Variants in ACER3 observed in about 807,000 individuals in gnomAD.
The protein encoded by ACER3 is alkaline ceramidase 3.
ACER3 carries 16 observed loss-of-function variants against 48.9 expected under a neutral mutation model. That is an observed-to-expected ratio of 0.33 (90% confidence interval 0.22 to 0.50). The LOEUF (loss-of-function observed/expected upper bound fraction) is 0.50. ACER3 is among the 20% of genes least tolerant of loss of function. The pLI is 0.98. For missense variants in ACER3, 227 were observed against 326.0 expected, an observed-to-expected ratio of 0.70 and a Z score of 2.34; for synonymous variants, 109 against 107.8, an observed-to-expected ratio of 1.01 and a Z score of -0.07.
chr11:76,863,762 C>T (rs903250443), intron 1 of ACER3, among the ~76,000 whole-genome samples: 2 of 152,086 alleles, frequency 1.3e-5, no homozygotes, highest in Non-Finnish European at 2.9e-5. Context: ...TTGATCTTTA[C>T]AGTAATTTCA....
intron 1 of ACER3, among the ~76,000 whole-genome samples, chr11:76,918,353 A>T (rs561656617): frequency 1.5e-4 from 23 of 150,960 alleles, no homozygotes; most frequent in Admixed American, 4.6e-4. Context: ...TATTATTATT[A>T]TTTTTTTCTT....
chr11:76,938,004 G>A (rs1251773306), intron 2 of ACER3, among the ~76,000 whole-genome samples: 2 of 151,972 alleles, frequency 1.3e-5, no homozygotes, highest in African/African-American at 4.8e-5. Context: ...TGTTTTTTGG[G>A]GTTGTTTGTT....
intron 1 of ACER3, among the ~76,000 whole-genome samples, chr11:76,893,208 T>C (rs1945850946): frequency 6.6e-6 from 1 of 152,014 alleles, no homozygotes; most frequent in Admixed American, 6.6e-5. Flanking sequence ...TTAATATTGC[T>C]AAAATGACAG....
At chr11:77,009,674 G>GGT (rs766971305) in intron 7 of ACER3, among the ~76,000 whole-genome samples, 3 of 152,112 alleles carry the variant, frequency 2.0e-5, no homozygotes, top group Non-Finnish European at 4.4e-5. Context: ...AGGTAGGTGT[G>GGT]GTGGCACATA....
At chr11:76,876,234 C>T (rs1310467371) in intron 1 of ACER3, among the ~76,000 whole-genome samples, 2 of 152,148 alleles carry the variant, frequency 1.3e-5, no homozygotes, top group African/African-American at 4.8e-5. Context: ...TCCCCACCTC[C>T]ATCTTACCCC....
In ACER3 at chr11:77,025,285, C is replaced by A. The variant is rs1487069914; in HGVS notation, c.*4958C>A. On this transcript the variant is annotated 3_prime_UTR_variant, in exon 11 of 11. Transcript: ENST00000532485. ...AAATGATAAAAATGTGTCATAATATCAAAGGGGTCTAGATCAGGGGTTGGT... is the reference window on the plus strand; with the variant it reads ...AAATGATAAAAATGTGTCATAATATAAAAGGGGTCTAGATCAGGGGTTGGT... 3.3e-5 allele frequency: 5 copies of A among 151,524 alleles called. No homozygotes were observed. The highest frequency in any genetic ancestry group is 1.2e-4 in the African/African-American group (5 of 41,158). 9.4% of individuals were successfully genotyped at this position (151,524 alleles called of 1,614,324 possible). A position where few individuals can be genotyped will look rare whatever the true frequency, so the allele number is the denominator to read the frequency against.
chr11:76,902,316 C>T (rs922457446), intron 1 of ACER3, among the ~76,000 whole-genome samples: 1 of 152,088 alleles, frequency 6.6e-6, no homozygotes, highest in African/African-American at 2.4e-5. Context: ...TGCTTTTTCT[C>T]GAATCACATG....
chr11:76,994,287 G>A (rs370655826), intron 6 of ACER3: 5 of 400,502 alleles, frequency 1.2e-5, no homozygotes, highest in Non-Finnish European at 2.4e-5. Flanking sequence ...GTACCATCAC[G>A]CCAGGCTAAT....
intron 4 of ACER3, among the ~76,000 whole-genome samples, chr11:76,983,329 T>G (rs1218973194): frequency 2.6e-5 from 4 of 152,196 alleles, no homozygotes; most frequent in Non-Finnish European, 5.9e-5. Flanking sequence ...TGCTTTTTTT[T>G]CTTTTTTGAC....
At chr11:76,886,829 C>G (rs945642865) in intron 1 of ACER3, among the ~76,000 whole-genome samples, 1 of 151,906 alleles carries the variant, frequency 6.6e-6, no homozygotes, top group African/African-American at 2.4e-5. Context: ...TACAAGTGTG[C>G]GCTACACCTG....
chr11:76,884,463 A>G (rs1335948077), intron 1 of ACER3, among the ~76,000 whole-genome samples: 1 of 152,106 alleles, frequency 6.6e-6, no homozygotes, highest in Non-Finnish European at 1.5e-5. Context: ...AAGTCCCCCA[A>G]ATCATTGTAG....
chr11:77,017,058 G>A (rs1263114107), intron 9 of ACER3, among the ~76,000 whole-genome samples: 1 of 151,964 alleles, frequency 6.6e-6, no homozygotes, highest in Non-Finnish European at 1.5e-5. Context: ...ACATTTAAAA[G>A]GAAGAGAGAT....
At chr11:77,011,172 G>C (rs1481043906) in intron 7 of ACER3, among the ~76,000 whole-genome samples, 1 of 152,144 alleles carries the variant, frequency 6.6e-6, no homozygotes, top group Non-Finnish European at 1.5e-5. Context: ...GATACAGAGA[G>C]ACATATGTTG....
At chr11:76,925,640 C>T (rs1946809812) in intron 1 of ACER3, among the ~76,000 whole-genome samples, 1 of 152,180 alleles carries the variant, frequency 6.6e-6, no homozygotes, top group South Asian at 2.1e-4. Context: ...TCCTGTGTTG[C>T]AGCCCATGTT....
At chr11:76,945,918 T>A (rs960084682) in intron 2 of ACER3, among the ~76,000 whole-genome samples, 1 of 152,184 alleles carries the variant, frequency 6.6e-6, no homozygotes, top group African/African-American at 2.4e-5. Context: ...TTGTCCTAGT[T>A]ATGAGCAGGA....
chr11:76,884,734 A>G (rs1289878784), intron 1 of ACER3, among the ~76,000 whole-genome samples: 3 of 152,118 alleles, frequency 2.0e-5, no homozygotes, highest in Non-Finnish European at 4.4e-5. Flanking sequence ...GATGTCTTCC[A>G]GGTGAATTGG....
intron 1 of ACER3, among the ~76,000 whole-genome samples, chr11:76,912,696 AT>A (rs1258335425): frequency 5.2e-4 from 69 of 132,182 alleles, no homozygotes; most frequent in Non-Finnish European, 7.3e-5. Context: ...CAGAAAAAAA[AT>A]TTTTTCTCTT....
At chr11:76,950,608 T>G (rs1947637704) in intron 2 of ACER3, among the ~76,000 whole-genome samples, 1 of 151,078 alleles carries the variant, frequency 6.6e-6, no homozygotes, top group South Asian at 2.1e-4. Flanking sequence ...ACCATAGGCG[T>G]GCACCACCAT....
chr11:77,015,016 G>A lies in ACER3; in HGVS notation c.498G>A (p.Trp166Ter). The change falls in exon 8 of 11, where the codon TGG becomes TGA. Residue 166 changes from tryptophan to a stop codon, truncating the protein, a stop_gained and splice_region_variant. Coordinates refer to ENST00000532485, the MANE Select transcript of ACER3 (RefSeq NM_018367.7). LOFTEE classifies it high-confidence loss of function. ...TGCTTTTCTGTTTTCCCCCCCACAG[G>A]GTTTATCCATGGCTTAGAGGACTGG... ...LVLRSIYIVTWVYPWLRGLGY... is the reference protein window; with the variant it reads ...LVLRSIYIVT 1 of 1,574,384 alleles carries A rather than the reference G, an allele frequency of 6.4e-7. No homozygotes were observed. Among genetic ancestry groups the A allele is most frequent in the Non-Finnish European group, 8.7e-7 (1 of 1,145,650 alleles).
Sources: gnomAD v4.1 joint callset for allele counts (sites outside exome capture counted in the v4.1 genomes callset) on GRCh38, gnomAD v4.1.1 for gene constraint, MANE v1.5 for transcripts, NCBI Gene and HGNC (gene_info 2026-07-23, HGNC 2026-07-21) for gene names.